Variants in NXPH2 observed in about 807,000 individuals in gnomAD.
NXPH2 encodes the protein neurexophilin 2.
NXPH2 carries 5 observed loss-of-function variants against 19.8 expected under a neutral mutation model. The observed-to-expected ratio is 0.25, with a 90% CI of 0.13 to 0.53. The LOEUF is 0.53. NXPH2 is among the 20% of genes least tolerant of loss of function. NXPH2 has a pLI of 0.96. For synonymous variants in NXPH2, 154 were observed against 127.4 expected, an observed-to-expected ratio of 1.21 and a Z score of -1.41; for missense variants, 289 against 322.8, an observed-to-expected ratio of 0.90 and a Z score of 0.80.
At chr2:138,729,086 C>T (rs1436311257) in intron 1 of NXPH2, among the ~76,000 whole-genome samples, 2 of 151,892 alleles carry the variant, frequency 1.3e-5, no homozygotes, top group Non-Finnish European at 2.9e-5. Context: ...ATGTATGGTT[C>T]CATTCTCCCA....
intron 1 of NXPH2, among the ~76,000 whole-genome samples, chr2:138,705,846 G>A (rs1681000718): frequency 6.6e-6 from 1 of 152,142 alleles, no homozygotes; most frequent in Non-Finnish European, 1.5e-5. Flanking sequence ...GTATTACTGA[G>A]TAAGCCCCTC....
chr2:138,683,892 T>C (rs1207276628), intron 1 of NXPH2, among the ~76,000 whole-genome samples: 2 of 152,184 alleles, frequency 1.3e-5, no homozygotes, highest in African/African-American at 4.8e-5. Context: ...ATATTCACAG[T>C]GTATTGGGGA....
At chr2:138,733,141 C>T (rs1393762768) in intron 1 of NXPH2, among the ~76,000 whole-genome samples, 1 of 152,100 alleles carries the variant, frequency 6.6e-6, no homozygotes, top group African/African-American at 2.4e-5. Context: ...TACATCCATC[C>T]CATATCTACA....
chr2:138,730,339 T>A (rs1681428408), intron 1 of NXPH2, among the ~76,000 whole-genome samples: 1 of 151,990 alleles, frequency 6.6e-6, no homozygotes, highest in South Asian at 2.1e-4. Flanking sequence ...GGATTACAGG[T>A]GTAAGCCTTT....
chr2:138,746,669 A>G (rs1681740625), intron 1 of NXPH2, among the ~76,000 whole-genome samples: 1 of 152,164 alleles, frequency 6.6e-6, no homozygotes, highest in South Asian at 2.1e-4. Flanking sequence ...CCAAAAGACT[A>G]CTGCTCTCTC....
chr2:138,710,207 T>C (rs1176618156), intron 1 of NXPH2, among the ~76,000 whole-genome samples: 1 of 152,192 alleles, frequency 6.6e-6, no homozygotes, highest in Non-Finnish European at 1.5e-5. Flanking sequence ...GCATAATGTT[T>C]TCAGGTTTGT....
intron 1 of NXPH2, among the ~76,000 whole-genome samples, chr2:138,741,217 G>A (rs972011030): frequency 6.6e-6 from 1 of 152,170 alleles, no homozygotes; most frequent in Non-Finnish European, 1.5e-5. Context: ...GATGGGACCA[G>A]GGAAGCATGC....
At chr2:138,758,724 TG>T (rs2104837676) in intron 1 of NXPH2, among the ~76,000 whole-genome samples, 1 of 152,350 alleles carries the variant, frequency 6.6e-6, no homozygotes, top group Non-Finnish European at 1.5e-5. Flanking sequence ...ATCTTGTCCC[TG>T]ACTGGTTGAC....
intron 1 of NXPH2, among the ~76,000 whole-genome samples, chr2:138,763,226 C>G (rs1430074106): frequency 6.6e-6 from 1 of 152,076 alleles, no homozygotes; most frequent in African/African-American, 2.4e-5. Flanking sequence ...GTAAGGAGAT[C>G]AATGGAGGAA....
chr2:138,763,845 T>TG (rs1469838860), intron 1 of NXPH2, among the ~76,000 whole-genome samples: 1 of 152,214 alleles, frequency 6.6e-6, no homozygotes, highest in Non-Finnish European at 1.5e-5. Context: ...CCCTGCAATC[T>TG]GTTACAGGTA....
At chr2:138,754,538 A>T (rs1311799632) in intron 1 of NXPH2, among the ~76,000 whole-genome samples, 2 of 152,218 alleles carry the variant, frequency 1.3e-5, no homozygotes, top group Non-Finnish European at 2.9e-5. Context: ...TTTATCACTG[A>T]ATAGTATTTC....
chr2:138,757,813 T>TTATC (rs57043046), intron 1 of NXPH2, among the ~76,000 whole-genome samples: 1,900 of 147,582 alleles, frequency 0.013, 19 homozygotes, highest in Middle Eastern at 0.017. Flanking sequence ...GTGTGTTTCT[T>TTATC]TATCTATCTA....
intron 1 of NXPH2, among the ~76,000 whole-genome samples, chr2:138,676,667 G>A (rs994918720): frequency 6.6e-6 from 1 of 152,030 alleles, no homozygotes; most frequent in African/African-American, 2.4e-5. Flanking sequence ...GAAATTACTG[G>A]GCCTATTAAG....
intron 1 of NXPH2, among the ~76,000 whole-genome samples, chr2:138,724,190 T>C (rs973878744): frequency 6.6e-5 from 10 of 152,176 alleles, no homozygotes; most frequent in Admixed American, 1.3e-4. Context: ...AAGCATGTGG[T>C]ATTTGGTTTT....
At chr2:138,736,488 A>G (rs1225516042) in intron 1 of NXPH2, among the ~76,000 whole-genome samples, 1 of 152,226 alleles carries the variant, frequency 6.6e-6, no homozygotes, top group African/African-American at 2.4e-5. Context: ...CAGGGCACCA[A>G]GTCCCTAGGC....
chr2:138,676,857 C>T (rs1258195890), intron 1 of NXPH2, among the ~76,000 whole-genome samples: 4 of 152,216 alleles, frequency 2.6e-5, no homozygotes, highest in Admixed American at 2.0e-4. Flanking sequence ...TCAACCCACT[C>T]AACCCCAGAA....
intron 1 of NXPH2, among the ~76,000 whole-genome samples, chr2:138,721,319 G>A (rs1307500015): frequency 1.3e-5 from 2 of 151,468 alleles, no homozygotes; most frequent in East Asian, 3.9e-4. Flanking sequence ...CCAAGCTGGA[G>A]ATAGAGCAAG....
intron 1 of NXPH2, among the ~76,000 whole-genome samples, chr2:138,671,914 T>C (rs894811074): frequency 6.6e-6 from 1 of 152,238 alleles, no homozygotes; most frequent in African/African-American, 2.4e-5. Context: ...TGGGTTGATG[T>C]GATTTTAGTC....
chr2:138,760,945 A>G (rs1682002085), intron 1 of NXPH2, among the ~76,000 whole-genome samples: 1 of 152,116 alleles, frequency 6.6e-6, no homozygotes, highest in South Asian at 2.1e-4. Flanking sequence ...GAAAGGCTTG[A>G]GCTCCCTTGG....
Sources: gnomAD v4.1 joint callset for allele counts (sites outside exome capture counted in the v4.1 genomes callset) on GRCh38, gnomAD v4.1.1 for gene constraint, MANE v1.5 for transcripts, NCBI Gene and HGNC (gene_info 2026-07-23, HGNC 2026-07-21) for gene names.